The following CNTN5 variants were observed in gnomAD, a reference collection of about 807,000 sequenced individuals.
CNTN5 encodes contactin-5.
CNTN5 carries 77 observed loss-of-function variants against 129.1 expected under a neutral mutation model. That is an observed-to-expected ratio of 0.60 (90% CI 0.50 to 0.72). CNTN5 has a LOEUF of 0.72. Among genes scored for constraint, CNTN5 ranks in the 30% least tolerant of loss-of-function variants. The pLI, the probability that CNTN5 is intolerant of heterozygous loss-of-function variation, is 0.00. For missense variants in CNTN5, 1,478 were observed against 1,328.8 expected, an observed-to-expected ratio of 1.11 and a Z score of -1.75; for synonymous variants, 509 against 465.6, an observed-to-expected ratio of 1.09 and a Z score of -1.20.
intron 13 of CNTN5, among the ~76,000 whole-genome samples, chr11:100,152,018 C>A (rs532678482): frequency 6.6e-6 from 1 of 152,270 alleles, no homozygotes; most frequent in Non-Finnish European, 1.5e-5. Flanking sequence ...CACAATATGA[C>A]CTTAACCACG....
chr11:99,925,429 G>T (rs903138701), intron 7 of CNTN5, among the ~76,000 whole-genome samples: 1 of 152,146 alleles, frequency 6.6e-6, no homozygotes, highest in Non-Finnish European at 1.5e-5. Flanking sequence ...TAATGCATTT[G>T]GTTGTCCTTT....
intron 8 of CNTN5, among the ~76,000 whole-genome samples, chr11:99,959,262 G>C (rs546515402): frequency 1.4e-4 from 22 of 152,150 alleles, no homozygotes; most frequent in African/African-American, 5.3e-4. Context: ...TCAATCCCAA[G>C]TTTCTGTGGA....
intron 1 of CNTN5, among the ~76,000 whole-genome samples, chr11:99,199,842 T>G (rs975211876): frequency 6.6e-6 from 1 of 152,124 alleles, no homozygotes; most frequent in East Asian, 1.9e-4. Flanking sequence ...CGGGGAGAGG[T>G]GAAGAATTAC....
At chr11:100,152,580 T>G (rs745330287) in intron 13 of CNTN5, among the ~76,000 whole-genome samples, 2 of 152,132 alleles carry the variant, frequency 1.3e-5, no homozygotes, top group African/African-American at 2.4e-5. Context: ...ATTCATTGAT[T>G]GATTGAAAAT....
At chr11:99,881,802 G>C (rs1043370140) in intron 6 of CNTN5, among the ~76,000 whole-genome samples, 1 of 152,166 alleles carries the variant, frequency 6.6e-6, no homozygotes, top group Non-Finnish European at 1.5e-5. Context: ...GCCGTGTATC[G>C]CAGAGCTTGC....
At chr11:100,124,711 A>T (rs1001045534) in intron 13 of CNTN5, among the ~76,000 whole-genome samples, 1 of 152,080 alleles carries the variant, frequency 6.6e-6, no homozygotes, top group African/African-American at 2.4e-5. Context: ...GTCTTGAAAG[A>T]GTAACAAATT....
At chr11:99,848,774 G>T (rs1221167343) in intron 6 of CNTN5, among the ~76,000 whole-genome samples, 3 of 151,898 alleles carry the variant, frequency 2.0e-5, no homozygotes, top group Non-Finnish European at 4.4e-5. Context: ...TTTTTATGCT[G>T]GGCTAGTGCT....
chr11:99,978,428 G>A (rs572066162), intron 8 of CNTN5, among the ~76,000 whole-genome samples: 3 of 152,260 alleles, frequency 2.0e-5, no homozygotes, highest in Admixed American at 6.5e-5. Context: ...CTTCACATCC[G>A]CTCACCACTC....
chr11:99,979,820 A>G (rs1010048863), intron 8 of CNTN5, among the ~76,000 whole-genome samples: 9 of 152,202 alleles, frequency 5.9e-5, no homozygotes, highest in Non-Finnish European at 7.3e-5. Flanking sequence ...AATACAATTC[A>G]TTCATTATTC....
At chr11:100,058,546 G>T (rs1943334066) in intron 9 of CNTN5, among the ~76,000 whole-genome samples, 1 of 151,980 alleles carries the variant, frequency 6.6e-6, no homozygotes, top group Admixed American at 6.6e-5. Context: ...CTCATATAAA[G>T]GATATTCCAA....
At chr11:99,256,964 A>T (rs73534983) in intron 1 of CNTN5, among the ~76,000 whole-genome samples, 2,566 of 152,224 alleles carry the variant, frequency 0.017, 80 homozygotes, top group African/African-American at 0.059. Context: ...TAATGACATT[A>T]TGATGGTGCT....
intron 13 of CNTN5, among the ~76,000 whole-genome samples, chr11:100,146,054 C>G (rs1292539049): frequency 6.6e-6 from 1 of 152,108 alleles, no homozygotes; most frequent in African/African-American, 2.4e-5. Context: ...GCGAGACATT[C>G]CCTTTAGCTT....
chr11:99,145,627 C>G (rs1400305049), intron 1 of CNTN5, among the ~76,000 whole-genome samples: 2 of 151,996 alleles, frequency 1.3e-5, no homozygotes, highest in East Asian at 3.9e-4. Context: ...TTTAGAGTAT[C>G]TTATTTTATT....
At chr11:99,578,566 T>C (rs929791449) in intron 3 of CNTN5, among the ~76,000 whole-genome samples, 10 of 150,754 alleles carry the variant, frequency 6.6e-5, no homozygotes, top group Admixed American at 4.6e-4. Context: ...GATTTGCATT[T>C]CTCTGATGGC....
chr11:99,644,951 A>C (rs1951897825), intron 3 of CNTN5, among the ~76,000 whole-genome samples: 1 of 152,006 alleles, frequency 6.6e-6, no homozygotes, highest in South Asian at 2.1e-4. Flanking sequence ...AACATTAAGA[A>C]ACAAACAAAA....
At chr11:99,162,989 A>G (rs920648306) in intron 1 of CNTN5, among the ~76,000 whole-genome samples, 2 of 152,178 alleles carry the variant, frequency 1.3e-5, no homozygotes, top group African/African-American at 4.8e-5. Context: ...TTAATTTGAT[A>G]TGCGACACTC....
chr11:99,694,474 T>C (rs1456580294), intron 3 of CNTN5, among the ~76,000 whole-genome samples: 1 of 151,936 alleles, frequency 6.6e-6, no homozygotes, highest in Non-Finnish European at 1.5e-5. Context: ...TTCAAGTAAG[T>C]GAGTAACAGT....
At chr11:99,522,952 C>T (rs1279376432) in intron 2 of CNTN5, among the ~76,000 whole-genome samples, 1 of 152,158 alleles carries the variant, frequency 6.6e-6, no homozygotes, top group East Asian at 1.9e-4. Context: ...ATAACCTCTC[C>T]CTGTACACAC....
At chr11:99,220,405 T>C (rs1361759105) in intron 1 of CNTN5, among the ~76,000 whole-genome samples, 1 of 151,952 alleles carries the variant, frequency 6.6e-6, no homozygotes. Context: ...ACATAAATAT[T>C]ACTGCCACAA....
Sources: gnomAD v4.1 joint callset for allele counts (sites outside exome capture counted in the v4.1 genomes callset) on GRCh38, gnomAD v4.1.1 for gene constraint, MANE v1.5 for transcripts, NCBI Gene and HGNC (gene_info 2026-07-23, HGNC 2026-07-21) for gene names.